The following KITLG variants were observed in gnomAD, a reference collection of about 807,000 sequenced individuals.
KITLG encodes c-Kit ligand.
In KITLG, 13 loss-of-function variants were observed where a neutral mutation model predicts 34.1. The ratio of observed to expected loss-of-function variants is 0.38; its 90% CI spans 0.25 to 0.61. KITLG has a LOEUF of 0.61. KITLG is among the 20% of genes least tolerant of loss of function. The probability of loss-of-function intolerance (pLI) is 0.60; values close to 1 mark genes in which losing one functional copy is unlikely to be tolerated. For missense variants in KITLG, 292 were observed against 318.9 expected (o/e 0.92, Z 0.64); for synonymous variants, 110 against 104.0 (o/e 1.06, Z -0.35).
In KITLG at chr12:88,495,643, T is replaced by C. The variant is rs1040877130; in HGVS notation, c.*1576A>G. 5 of 152,556 alleles carry C rather than the reference T, an allele frequency of 3.3e-5. No individual in the cohort carries two copies. Among genetic ancestry groups the C allele is most frequent in the African/African-American group, 9.7e-5 (4 of 41,448 alleles). The allele number at this position is 152,556 out of a possible 1,614,324, so 9.5% of individuals were successfully genotyped here. On this transcript the variant is annotated 3_prime_UTR_variant, in exon 10 of 10. Transcript: ENST00000644744. ...CTTTGAACAGAAGCTAAAATCCAAA[T>C]ATACTAGAAATTCTTGGACTTTTGA...
Position 88,494,001 on chromosome 12 carries a change from A to C in KITLG, c.*3218T>G, listed in dbSNP as rs1868509620. The C allele has an allele frequency of 6.6e-6, 1 of 151,860 alleles. No individual in the cohort carries two copies. The highest frequency in any genetic ancestry group is 2.4e-5 in the African/African-American group (1 of 41,400). 9.4% of individuals were successfully genotyped at this position (151,860 alleles called of 1,614,324 possible). On this transcript the variant is annotated 3_prime_UTR_variant, in exon 10 of 10. Transcript: ENST00000644744. ...ACTTATTCACAGAATCCAGAGTTGGATATTTTGTATGGGTTAGTTTCAATG... is the reference window on the plus strand; with the variant it reads ...ACTTATTCACAGAATCCAGAGTTGGCTATTTTGTATGGGTTAGTTTCAATG...
intron 9 of KITLG, among the ~76,000 whole-genome samples, chr12:88,503,167 G>T (rs1223847879): frequency 6.6e-6 from 1 of 152,182 alleles, no homozygotes; most frequent in African/African-American, 2.4e-5. Flanking sequence ...GTGACAGAGT[G>T]TGTAGAATAA....
At chr12:88,526,697 A>G (rs1869880314) in intron 3 of KITLG, among the ~76,000 whole-genome samples, 1 of 152,158 alleles carries the variant, frequency 6.6e-6, no homozygotes, top group Non-Finnish European at 1.5e-5. Context: ...TTCATCAAAA[A>G]TCAAAACCAA....
intron 1 of KITLG, among the ~76,000 whole-genome samples, chr12:88,557,336 A>G (rs1247252790): frequency 6.6e-6 from 1 of 152,176 alleles, no homozygotes; most frequent in Non-Finnish European, 1.5e-5. Flanking sequence ...ATAAAGATGT[A>G]CATAATAGAG....
intron 9 of KITLG, among the ~76,000 whole-genome samples, chr12:88,501,336 T>C (rs552225498): frequency 3.1e-4 from 47 of 152,188 alleles, no homozygotes; most frequent in Non-Finnish European, 5.1e-4. Flanking sequence ...TCCTTGTATT[T>C]TTCCCCTTCC....
intron 2 of KITLG, among the ~76,000 whole-genome samples, chr12:88,542,385 AG>A (rs1442395499): frequency 6.6e-6 from 1 of 152,154 alleles, no homozygotes; most frequent in Non-Finnish European, 1.5e-5. Flanking sequence ...TTGAAAAATT[AG>A]GAAATTGAAT....
intron 1 of KITLG, among the ~76,000 whole-genome samples, chr12:88,572,162 T>C (rs1871672473): frequency 6.6e-6 from 1 of 152,172 alleles, no homozygotes; most frequent in African/African-American, 2.4e-5. Context: ...TCATTATGTG[T>C]GACATTTGTA....
rs368700928 is a variant in KITLG, at chr12:88,564,725, C to A, written c.15+15539G>T. ...AACTTTTCAGATCTACACCCAAAAC[C>A]AAGAAGCTTACCTGATTAAAAAAAA... On this transcript the variant is annotated intron_variant, in intron 1 of 9. Transcript: ENST00000644744. Among the ~76,000 whole-genome samples the A allele has an allele frequency of 6.3e-5, 8 of 127,470 alleles. No individual in the cohort carries two copies. In the East Asian group the frequency reaches 1.9e-3, roughly 30 times the overall value. The allele number at this position is 127,470 out of a possible 152,430, so 83.6% of individuals were successfully genotyped here. A position where few individuals can be genotyped will look rare whatever the true frequency, so the allele number is the denominator to read the frequency against.
At chr12:88,506,793 A>G (rs1869082062) in intron 7 of KITLG, among the ~76,000 whole-genome samples, 1 of 152,170 alleles carries the variant, frequency 6.6e-6, no homozygotes. Flanking sequence ...CTTCCTTTTC[A>G]TATTTAGTTC....
At chr12:88,580,146 C>A in intron 1 of KITLG, 118 bp downstream of exon 1, 1 of 1,106,994 alleles carries the variant, frequency 9.0e-7, no homozygotes, top group Non-Finnish European at 1.3e-6. Context: ...CTTGTCTCAC[C>A]CGGCAGGCAC....
rs1868505405 is a variant in KITLG at position 88,493,928 on chromosome 12, C to G, written c.*3291G>C. The G allele has an allele frequency of 6.6e-6, 1 of 151,884 alleles. No individual in the cohort carries two copies. Among genetic ancestry groups the G allele is most frequent in the Non-Finnish European group, 1.5e-5 (1 of 67,862 alleles). 9.4% of individuals were successfully genotyped at this position (151,884 alleles called of 1,614,324 possible). On this transcript the variant is annotated 3_prime_UTR_variant, in exon 10 of 10. Transcript: ENST00000644744. Reference sequence around the variant, plus strand: ...TGAATTTCACTTTTACTAATGGACACTATTTACATTAGAAACAAGAACAGC... The same window carrying G: ...TGAATTTCACTTTTACTAATGGACAGTATTTACATTAGAAACAAGAACAGC...
chr12:88,506,950 G>A, intron 7 of KITLG, 78 bp downstream of exon 7: 1 of 866,334 alleles, frequency 1.2e-6, no homozygotes, highest in Non-Finnish European at 2.0e-6. Flanking sequence ...TTTCTTAAAG[G>A]ATCATTTCTT....
intron 3 of KITLG, among the ~76,000 whole-genome samples, chr12:88,527,296 CTCTG>C (rs1869910156): frequency 6.6e-6 from 1 of 152,130 alleles, no homozygotes; most frequent in Admixed American, 6.5e-5. Flanking sequence ...TTTTAAATCA[CTCTG>C]TCTATTCAGG....
intron 1 of KITLG, among the ~76,000 whole-genome samples, chr12:88,579,514 T>C (rs1260938101): frequency 1.3e-5 from 2 of 152,180 alleles, no homozygotes; most frequent in Admixed American, 6.5e-5. Flanking sequence ...CACAGTGCTT[T>C]ATGTATAATG....
intron 4 of KITLG, among the ~76,000 whole-genome samples, chr12:88,517,619 A>G (rs530149855): frequency 6.6e-6 from 1 of 152,112 alleles, no homozygotes; most frequent in South Asian, 2.1e-4. Flanking sequence ...TGTGTGATGC[A>G]CTCTACTTTT....
chr12:88,540,775 T>C (rs1870490528), intron 2 of KITLG, among the ~76,000 whole-genome samples: 1 of 152,194 alleles, frequency 6.6e-6, no homozygotes, highest in African/African-American at 2.4e-5. Flanking sequence ...TTTTAATAAA[T>C]ATTATTTCTA....
chr12:88,538,160 G>A (rs1387927492), intron 2 of KITLG, among the ~76,000 whole-genome samples: 1 of 152,126 alleles, frequency 6.6e-6, no homozygotes, highest in Non-Finnish European at 1.5e-5. Flanking sequence ...GGACAGTCTA[G>A]ATAGAGGAAG....
At chr12:88,497,709 A>G (rs1796279455) in intron 9 of KITLG, among the ~76,000 whole-genome samples, 1 of 152,170 alleles carries the variant, frequency 6.6e-6, no homozygotes, top group Admixed American at 6.5e-5. Flanking sequence ...AGATTAGAGA[A>G]ATGGAGATAG....
chr12:88,523,675 C>G (rs534188235), intron 3 of KITLG, among the ~76,000 whole-genome samples: 1 of 152,080 alleles, frequency 6.6e-6, no homozygotes, highest in Non-Finnish European at 1.5e-5. Flanking sequence ...CTCAAACATT[C>G]CATGGGCAGG....
Sources: gnomAD v4.1 joint callset for allele counts (sites outside exome capture counted in the v4.1 genomes callset) on GRCh38, gnomAD v4.1.1 for gene constraint, MANE v1.5 for transcripts, NCBI Gene and HGNC (gene_info 2026-07-23, HGNC 2026-07-21) for gene names.